Variants in CASK observed in about 807,000 individuals in gnomAD.
The protein encoded by CASK is calcium/calmodulin dependent serine protein kinase.
In CASK, 4 loss-of-function variants were observed where a neutral mutation model predicts 82.9. The observed-to-expected ratio is 0.05, with a 90% confidence interval of 0.02 to 0.11. CASK has a LOEUF of 0.11. Among genes scored for constraint, CASK ranks in the 10% least tolerant of loss-of-function variants. The pLI, the probability that CASK is intolerant of heterozygous loss-of-function variation, is 1.00. For synonymous variants in CASK, 259 were observed against 253.5 expected, an observed-to-expected ratio of 1.02 and a Z score of -0.20; for missense variants, 358 against 720.9, an observed-to-expected ratio of 0.50 and a Z score of 5.76.
intron 3 of CASK, among the ~76,000 whole-genome samples, chrX:41,784,808 G>A (rs1007811346): frequency 1.8e-5 from 2 of 109,606 alleles, no homozygotes; most frequent in Non-Finnish European, 3.8e-5. Flanking sequence ...CCCAGGGGGC[G>A]GAGGTTGCAG....
chrX:41,749,843 T>C (rs984010586), intron 3 of CASK, among the ~76,000 whole-genome samples: 4 of 112,207 alleles, frequency 3.6e-5, no homozygotes, highest in Non-Finnish European at 7.5e-5. Flanking sequence ...ATGAACATGA[T>C]ATGTCTCTCC....
rs773653741 is a variant in CASK, at chrX:41,921,185, T to C, written c.59+1745A>G. ...TGATTCGGTTATTGGAAAACTTTTA[T>C]GTATATTGGGAACAACTTGGGTATG... On this transcript the variant is annotated intron_variant, in intron 1 of 26. Transcript: ENST00000378163. Among the ~76,000 whole-genome samples, 72 of 112,482 alleles carry C rather than the reference T, an allele frequency of 6.4e-4. No homozygotes were observed. The Middle Eastern group carries it at 0.014, about 21-fold the overall frequency.
At chrX:41,596,119 C>T (rs747033573) in intron 12 of CASK, among the ~76,000 whole-genome samples, 2 of 104,614 alleles carry the variant, frequency 1.9e-5, no homozygotes, top group Non-Finnish European at 2.0e-5. Flanking sequence ...CGCTTGAACC[C>T]GAGAGGTGGA....
At chrX:41,750,477 T>G (rs1410524310) in intron 3 of CASK, among the ~76,000 whole-genome samples, 1 of 111,644 alleles carries the variant, frequency 9.0e-6, no homozygotes, top group East Asian at 2.8e-4. Flanking sequence ...ATTTTCCTAG[T>G]TGGCTCCATT....
chrX:41,564,336 AG>A (rs967218227), intron 16 of CASK, among the ~76,000 whole-genome samples: 6 of 112,470 alleles, frequency 5.3e-5, no homozygotes, highest in African/African-American at 1.9e-4. Flanking sequence ...TTCTTAATGA[AG>A]AAATATTGGA....
chrX:41,743,165 T>C (rs1307286939), intron 4 of CASK, among the ~76,000 whole-genome samples: 1 of 111,621 alleles, frequency 9.0e-6, no homozygotes, highest in Non-Finnish European at 1.9e-5. Context: ...GCAATAAAGA[T>C]GACTGGGGAC....
Position 41,540,850 on chromosome X carries a change from A to G in CASK, c.2155+1841T>C. Among the ~76,000 whole-genome samples, 3 of 112,663 alleles carry G rather than the reference A, an allele frequency of 2.7e-5. 1 individual carries two copies. In the Middle Eastern group the frequency reaches 0.014, roughly 514 times the overall value. On this transcript the variant is annotated intron_variant, in intron 22 of 26. Coordinates refer to ENST00000378163, the MANE Select transcript of CASK (RefSeq NM_001367721.1). ...GCATTTAGAGAATTCTAGTTTTTCA[A>G]TGAATTTCTTACTTTCCTCAGAGCT... is the stretch of plus-strand genomic sequence containing the variant.
chrX:41,920,528 G>C (rs960582223), intron 1 of CASK, among the ~76,000 whole-genome samples: 4 of 111,885 alleles, frequency 3.6e-5, no homozygotes, highest in Non-Finnish European at 5.6e-5. Flanking sequence ...AGATTTTGTA[G>C]GATATGAATG....
intron 8 of CASK, among the ~76,000 whole-genome samples, chrX:41,646,112 G>A (rs1303794543): frequency 9.0e-6 from 1 of 111,225 alleles, no homozygotes; most frequent in Non-Finnish European, 1.9e-5. Context: ...CTTATCTTCC[G>A]GAAACATCAG....
intron 3 of CASK, among the ~76,000 whole-genome samples, chrX:41,779,091 T>C (rs945825064): frequency 8.9e-5 from 10 of 112,139 alleles, no homozygotes; most frequent in Admixed American, 1.9e-4. Context: ...ATCTGGGAAC[T>C]TGGATTTCAG....
chrX:41,847,206 C>T (rs1335739281), intron 2 of CASK, among the ~76,000 whole-genome samples: 1 of 111,778 alleles, frequency 8.9e-6, no homozygotes, highest in African/African-American at 3.3e-5. Flanking sequence ...CTACTCCTTT[C>T]TCTCCATTCC....
intron 11 of CASK, among the ~76,000 whole-genome samples, chrX:41,612,561 G>C (rs865916537): frequency 2.6e-4 from 26 of 101,572 alleles, no homozygotes; most frequent in Admixed American, 8.1e-4. Flanking sequence ...CAGCCGCCCC[G>C]TCCGGGAGGT....
At chrX:41,538,128 G>A (rs760718125) in intron 22 of CASK, among the ~76,000 whole-genome samples, 3 of 111,299 alleles carry the variant, frequency 2.7e-5, no homozygotes, top group Non-Finnish European at 5.7e-5. Flanking sequence ...TTACAGGCAT[G>A]AGCCGCTGCG....
intron 8 of CASK, among the ~76,000 whole-genome samples, chrX:41,646,824 T>C (rs905339527): frequency 8.1e-5 from 9 of 111,551 alleles, no homozygotes; most frequent in African/African-American, 2.9e-4. Flanking sequence ...TTAACTCCCA[T>C]TTTGACTCCA....
At chrX:41,873,822 C>A (rs777541482) in intron 1 of CASK, among the ~76,000 whole-genome samples, 1 of 94,386 alleles carries the variant, frequency 1.1e-5, no homozygotes, top group Admixed American at 1.2e-4. Context: ...CAGAGTCTCG[C>A]TCTGTTGCCA....
chrX:41,856,953 T>C (rs2071385013), intron 1 of CASK, among the ~76,000 whole-genome samples: 1 of 110,844 alleles, frequency 9.0e-6, no homozygotes, highest in African/African-American at 3.3e-5. Flanking sequence ...GGGGGAATAT[T>C]GGAAGCCAGA....
chrX:41,740,600 A>G (rs1000592346), intron 4 of CASK, among the ~76,000 whole-genome samples: 1 of 112,040 alleles, frequency 8.9e-6, no homozygotes, highest in South Asian at 3.7e-4. Context: ...GCATTATTTC[A>G]TGTATTACAA....
chrX:41,544,533 T>C (rs1272195922), intron 21 of CASK, among the ~76,000 whole-genome samples: 3 of 95,063 alleles, frequency 3.2e-5, no homozygotes, highest in African/African-American at 1.2e-4. Flanking sequence ...GCCAGTGCAC[T>C]CTAGCCTGGG....
rs372839268 is a variant in CASK, at chrX:41,531,001, C to T, written c.2520+6G>A. 7 of 1,203,776 alleles carry T rather than the reference C, an allele frequency of 5.8e-6. No individual in the cohort carries two copies. Among genetic ancestry groups the T allele is most frequent in the Non-Finnish European group, 7.9e-6 (7 of 888,344 alleles). On this transcript the variant is annotated splice_donor_region_variant and intron_variant, in intron 25 of 26. Transcript: ENST00000378163. ...ATGTCAGACATTCGGGGAGGCTGGG[C>T]ATTACCTGAGGCTCCACGTCCAGTA...
Sources: gnomAD v4.1 joint callset for allele counts (sites outside exome capture counted in the v4.1 genomes callset) on GRCh38, gnomAD v4.1.1 for gene constraint, MANE v1.5 for transcripts, NCBI Gene and HGNC (gene_info 2026-07-23, HGNC 2026-07-21) for gene names.